Variants in SDK2 observed in about 807,000 individuals in gnomAD.
The protein encoded by SDK2 is protein sidekick-2.
SDK2 carries 105 observed loss-of-function variants against 253.9 expected under a neutral mutation model. That is an observed-to-expected ratio of 0.41 (90% CI 0.35 to 0.49). The LOEUF (loss-of-function observed/expected upper bound fraction) is 0.49, where lower values mean the gene tolerates loss of function less well. Among genes scored for constraint, SDK2 ranks in the 20% least tolerant of loss-of-function variants. The pLI is 0.06. For synonymous variants in SDK2, 1,249 were observed against 1,234.9 expected (o/e 1.01, Z -0.24); for missense variants, 2,608 against 3,003.0 (o/e 0.87, Z 3.07).
intron 1 of SDK2, among the ~76,000 whole-genome samples, chr17:73,608,948 T>A (rs1567871076): frequency 6.6e-6 from 1 of 152,182 alleles, no homozygotes; most frequent in Admixed American, 6.5e-5. Flanking sequence ...GCAACTGAAC[T>A]CTACATATAC....
At chr17:73,572,898 C>T (rs967698042) in intron 1 of SDK2, among the ~76,000 whole-genome samples, 10 of 152,174 alleles carry the variant, frequency 6.6e-5, no homozygotes, top group African/African-American at 2.2e-4. Context: ...AGCCTCCCAG[C>T]GCCGTCAAAC....
intron 2 of SDK2, among the ~76,000 whole-genome samples, chr17:73,484,998 CT>C (rs2063760970): frequency 6.6e-6 from 1 of 152,206 alleles, no homozygotes; most frequent in East Asian, 1.9e-4. Flanking sequence ...GCTTTAGGGA[CT>C]ACCTTAGTCT....
At chr17:73,546,788 G>A (rs1358781558) in intron 1 of SDK2, among the ~76,000 whole-genome samples, 1 of 152,220 alleles carries the variant, frequency 6.6e-6, no homozygotes, top group East Asian at 1.9e-4. Flanking sequence ...TGTTGGGGAA[G>A]GTACATTTCA....
chr17:73,423,535 C>A lies in SDK2; in HGVS notation c.1761-13G>T. 1.3e-6 allele frequency: 2 copies of A among 1,535,986 alleles called. No homozygotes were observed. Among genetic ancestry groups the A allele is most frequent in the Non-Finnish European group, 1.8e-6 (2 of 1,137,252 alleles). On this transcript the variant is annotated splice_polypyrimidine_tract_variant and intron_variant, in intron 13 of 44. Coordinates refer to ENST00000392650, the MANE Select transcript of SDK2 (RefSeq NM_001144952.2). Reference sequence around the variant, plus strand: ...GTGGGGCAGTTGCCTGGAAAAGAGACACGTGGTCAGGCATCCCTATGTGGT... The same window carrying A: ...GTGGGGCAGTTGCCTGGAAAAGAGAAACGTGGTCAGGCATCCCTATGTGGT...
At chr17:73,454,002 A>G (rs982239177) in intron 4 of SDK2, among the ~76,000 whole-genome samples, 6 of 152,156 alleles carry the variant, frequency 3.9e-5, no homozygotes, top group African/African-American at 1.4e-4. Context: ...TACCTTTCCT[A>G]TATTTAGATA....
intron 12 of SDK2, among the ~76,000 whole-genome samples, chr17:73,428,066 A>G (rs2063296968): frequency 6.6e-6 from 1 of 152,226 alleles, no homozygotes; most frequent in Non-Finnish European, 1.5e-5. Flanking sequence ...AGGTACACAG[A>G]AGACCAACAG....
At chr17:73,412,228 A>T (rs546748756) in intron 18 of SDK2, among the ~76,000 whole-genome samples, 74 of 149,632 alleles carry the variant, frequency 4.9e-4, no homozygotes, top group African/African-American at 1.7e-3. Flanking sequence ...ATACACATAT[A>T]CATATATACA....
rs1384228683 is a variant in SDK2 at position 73,361,726 on chromosome 17, C to T, written c.5425G>A (p.Gly1809Arg). ...GTGACGTTGGCTTCGATCTCCGGCC[C>T]GTAGGTGAAGGTCTTGGCTCTGATG... ...FRIRAKTFTY[G>R]PEIEANVTTG... The change falls in exon 39 of 45, where the codon GGG becomes AGG. Residue 1809 changes from glycine (G) to arginine (R), a missense_variant. Gly to Arg is a moderately radical substitution (Grantham distance 125, BLOSUM62 -2). Around this residue, in one of 2 missense-constraint regions of SDK2, gnomAD observed 1,103 missense variants for 1,143.9 expected, o/e 0.96. Coordinates refer to ENST00000392650, the MANE Select transcript of SDK2 (RefSeq NM_001144952.2). This position sits in a 1 kb window ranked among gnomAD's most constrained non-coding sequence, Gnocchi z 4.1. The T allele has an allele frequency of 2.5e-6, 4 of 1,612,854 alleles. No homozygotes were observed. Among genetic ancestry groups the T allele is most frequent in the Admixed American group, 1.7e-5 (1 of 60,002 alleles).
chr17:73,376,601 T>G lies in SDK2; in HGVS notation c.4980+2576A>C, dbSNP rs532102270. 4.6e-5 allele frequency among the ~76,000 whole-genome samples: 7 copies of G among 152,270 alleles called. No individual in the cohort carries two copies. In the South Asian group the frequency reaches 6.2e-4, roughly 14 times the overall value. Reference sequence around the variant, plus strand: ...CCGCTCAGGTACGGGTCATGTTTTCTGGAGCATGTAGGCCTCTGCTGTATT... The same window carrying G: ...CCGCTCAGGTACGGGTCATGTTTTCGGGAGCATGTAGGCCTCTGCTGTATT... On this transcript the variant is annotated intron_variant, in intron 36 of 44. Coordinates refer to ENST00000392650, the MANE Select transcript of SDK2 (RefSeq NM_001144952.2).
At chr17:73,473,650 C>T (rs978036022) in intron 2 of SDK2, among the ~76,000 whole-genome samples, 1 of 152,210 alleles carries the variant, frequency 6.6e-6, no homozygotes, top group South Asian at 2.1e-4. Flanking sequence ...AAAACAACAA[C>T]CACCCCTTCC....
chr17:73,444,941 C>T (rs930529958), intron 5 of SDK2, among the ~76,000 whole-genome samples: 1 of 152,222 alleles, frequency 6.6e-6, no homozygotes. Context: ...TGCAATGTGG[C>T]TGGTGTCCCT....
intron 4 of SDK2, among the ~76,000 whole-genome samples, chr17:73,453,208 C>T (rs1358368929): frequency 2.6e-5 from 4 of 152,154 alleles, no homozygotes; most frequent in South Asian, 4.1e-4. Flanking sequence ...CTGTGCAGCA[C>T]AGCCAAGTCA....
intron 44 of SDK2, among the ~76,000 whole-genome samples, chr17:73,340,727 C>T (rs2062427308): frequency 7.9e-6 from 1 of 126,418 alleles, no homozygotes; most frequent in South Asian, 2.9e-4. Flanking sequence ...GTAATGAAAA[C>T]CTTAAAGTTT....
rs574655353 is a variant in SDK2, at chr17:73,505,547, C to A, written c.224+1891G>T. 7.9e-5 allele frequency among the ~76,000 whole-genome samples: 12 copies of A among 151,926 alleles called. No homozygotes were observed. In the East Asian group the frequency reaches 2.3e-3, roughly 29 times the overall value. ...GTCAATAGCTGGACCTCATCATCGTCAATAGCTGGACCTCATCATCATCAT... is the reference window on the plus strand; with the variant it reads ...GTCAATAGCTGGACCTCATCATCGTAAATAGCTGGACCTCATCATCATCAT... On this transcript the variant is annotated intron_variant, in intron 2 of 44. Coordinates refer to ENST00000392650, the MANE Select transcript of SDK2 (RefSeq NM_001144952.2).
chr17:73,437,905 A>G, intron 7 of SDK2, 59 bp downstream of exon 7: 8 of 1,595,754 alleles, frequency 5.0e-6, no homozygotes, highest in Middle Eastern at 1.7e-4. Flanking sequence ...CTTAAGGAGG[A>G]CCCTCGCCGT....
intron 1 of SDK2, among the ~76,000 whole-genome samples, chr17:73,591,761 C>A (rs889134179): frequency 6.6e-6 from 1 of 152,138 alleles, no homozygotes; most frequent in African/African-American, 2.4e-5. Context: ...CCATCCAGCA[C>A]CCCCTACTCA....
chr17:73,434,608 C>T (rs2063353026), intron 9 of SDK2, among the ~76,000 whole-genome samples: 1 of 152,156 alleles, frequency 6.6e-6, no homozygotes, highest in Non-Finnish European at 1.5e-5. Flanking sequence ...TTACACAGAC[C>T]TTTGAGCTTA....
chr17:73,459,502 G>A (rs1417020482), intron 3 of SDK2, among the ~76,000 whole-genome samples: 1 of 152,170 alleles, frequency 6.6e-6, no homozygotes, highest in East Asian at 1.9e-4. Context: ...AGTCACCAAG[G>A]CACCATGGTT....
intron 5 of SDK2, among the ~76,000 whole-genome samples, chr17:73,442,620 TGTG>T (rs1384185603): frequency 2.6e-5 from 4 of 152,092 alleles, no homozygotes; most frequent in Non-Finnish European, 5.9e-5. Context: ...GGATTATGGG[TGTG>T]AGCCACCACG....
Sources: allele counts gnomAD v4.1 joint callset (sites outside exome capture counted in the v4.1 genomes callset), GRCh38; gene constraint gnomAD v4.1.1; regional missense constraint gnomAD v4.1.1; non-coding constraint Gnocchi (gnomAD v3.1); transcripts MANE v1.5; gene names NCBI Gene and HGNC (gene_info 2026-07-23, HGNC 2026-07-21).